Variants in CADPS2 observed in about 807,000 individuals in gnomAD.
CADPS2 encodes calcium-dependent secretion activator 2.
Under a neutral mutation model 172.5 loss-of-function variants are expected in CADPS2, and 93 were observed. That is an observed-to-expected ratio of 0.54 (90% confidence interval 0.46 to 0.64). The LOEUF is 0.64. CADPS2 is among the 30% of genes least tolerant of loss of function. The pLI is 0.00. For synonymous variants in CADPS2, 546 were observed against 555.2 expected (o/e 0.98, Z 0.23); for missense variants, 1,420 against 1,565.9 (o/e 0.91, Z 1.57).
At chr7:122,444,648 G>T (rs1017552520) in intron 15 of CADPS2, among the ~76,000 whole-genome samples, 1 of 151,988 alleles carries the variant, frequency 6.6e-6, no homozygotes, top group Non-Finnish European at 1.5e-5. Flanking sequence ...TTTAAATTGG[G>T]TTAATATTTT....
At chr7:122,777,365 T>C (rs2093916765) in intron 1 of CADPS2, among the ~76,000 whole-genome samples, 1 of 152,150 alleles carries the variant, frequency 6.6e-6, no homozygotes, top group Non-Finnish European at 1.5e-5. Flanking sequence ...CCAGCTCTCA[T>C]ATCCACATTC....
chr7:122,645,393 G>GTGTA (rs1563948451), intron 3 of CADPS2, among the ~76,000 whole-genome samples: 1,009 of 54,812 alleles, frequency 0.018, 63 homozygotes, highest in African/African-American at 0.051. Flanking sequence ...ACATGTGTGT[G>GTGTA]TATATATGTA....
At chr7:122,435,566 T>C (rs2050525907) in intron 17 of CADPS2, among the ~76,000 whole-genome samples, 3 of 152,088 alleles carry the variant, frequency 2.0e-5, no homozygotes, top group Admixed American at 2.0e-4. Flanking sequence ...TTGTATACTA[T>C]TGGTAGAAAT....
At chr7:122,615,736 A>G (rs1457632402) in intron 5 of CADPS2, among the ~76,000 whole-genome samples, 2 of 152,068 alleles carry the variant, frequency 1.3e-5, no homozygotes, top group East Asian at 1.9e-4. Flanking sequence ...ATACCATCAT[A>G]CTAACTCACT....
chr7:122,424,399 CTAGAG>C (rs2048893757), intron 17 of CADPS2: 11 of 874,320 alleles, frequency 1.3e-5, no homozygotes, highest in Non-Finnish European at 1.5e-5. Flanking sequence ...GAATTGGCCA[CTAGAG>C]TATAGACCAA....
rs190307430 is a variant in CADPS2, at chr7:122,777,716, T to C, written c.340-40648A>G. 2.0e-5 allele frequency among the ~76,000 whole-genome samples: 3 copies of C among 152,152 alleles called. No individual in the cohort carries two copies. The East Asian group carries it at 5.8e-4, about 30-fold the overall frequency. ...CCCCACTTCCCTCTGCACTTCTCCT[T>C]GCAGCCACCTTGAGAAGAAGAGCAT... is the stretch of plus-strand genomic sequence containing the variant. On this transcript the variant is annotated intron_variant, in intron 1 of 29. Transcript: ENST00000449022.
chr7:122,694,834 G>T (rs2136119263), intron 2 of CADPS2, among the ~76,000 whole-genome samples: 1 of 152,282 alleles, frequency 6.6e-6, no homozygotes, highest in South Asian at 2.1e-4. Flanking sequence ...CATGGTAAAT[G>T]ATGGAATGGG....
chr7:122,349,769 T>A (rs111242771), intron 27 of CADPS2, among the ~76,000 whole-genome samples: 12 of 152,308 alleles, frequency 7.9e-5, no homozygotes, highest in African/African-American at 2.6e-4. Context: ...AAAAAATTCC[T>A]TGTTAATTAT....
At position 122,541,782 on chromosome 7, in the gene CADPS2, CATATATTT is replaced by C. The variant is rs1414745444; in HGVS notation, c.1475+12760_1475+12767del. Among the ~76,000 whole-genome samples, 1,394 of 141,080 alleles carry C rather than the reference CATATATTT, an allele frequency of 9.9e-3. 24 individuals are homozygous for C. The highest frequency in any genetic ancestry group is 0.034 in the African/African-American group (1,311 of 38,676). 92.6% of individuals were successfully genotyped at this position (141,080 alleles called of 152,430 possible). A position where few individuals can be genotyped will look rare whatever the true frequency, so the allele number is the denominator to read the frequency against. ...ATATATTTATATATTCACATATATT[CATATATTT>C]ATATATTCATATATATTTATATATT... On this transcript the variant is annotated intron_variant, in intron 8 of 29. Transcript: ENST00000449022.
intron 7 of CADPS2, among the ~76,000 whole-genome samples, chr7:122,578,353 T>A (rs933709537): frequency 3.9e-5 from 6 of 151,992 alleles, no homozygotes; most frequent in African/African-American, 1.4e-4. Flanking sequence ...AAAGCAGGTA[T>A]GAGTGTACAA....
chr7:122,730,180 T>C (rs997048761), intron 2 of CADPS2, among the ~76,000 whole-genome samples: 3 of 151,868 alleles, frequency 2.0e-5, no homozygotes, highest in South Asian at 2.1e-4. Flanking sequence ...AAATGGGACA[T>C]AGGACATGAA....
chr7:122,780,892 G>GCAC (rs71531916), intron 1 of CADPS2, among the ~76,000 whole-genome samples: 32,647 of 151,946 alleles, frequency 0.21, 3,732 homozygotes, highest in Middle Eastern at 0.31. Context: ...TACAAACAAT[G>GCAC]CAAAAATCAC....
At chr7:122,478,595 A>T (rs537679838) in intron 12 of CADPS2, among the ~76,000 whole-genome samples, 5 of 152,326 alleles carry the variant, frequency 3.3e-5, no homozygotes, top group African/African-American at 9.6e-5. Flanking sequence ...CTAAAAATTA[A>T]ATTTTTTCAT....
chr7:122,793,373 AT>A (rs1365515654), intron 1 of CADPS2, among the ~76,000 whole-genome samples: 1 of 152,156 alleles, frequency 6.6e-6, no homozygotes, highest in Non-Finnish European at 1.5e-5. Context: ...CCCTGTAACA[AT>A]TATGTAATGC....
intron 6 of CADPS2, among the ~76,000 whole-genome samples, chr7:122,588,470 C>G (rs2070151100): frequency 6.6e-6 from 1 of 151,964 alleles, no homozygotes; most frequent in South Asian, 2.1e-4. Flanking sequence ...TTCCCCATTG[C>G]TTGTTGTCAG....
At chr7:122,622,983 C>G (rs1247496538) in intron 4 of CADPS2, among the ~76,000 whole-genome samples, 1 of 152,190 alleles carries the variant, frequency 6.6e-6, no homozygotes, top group African/African-American at 2.4e-5. Flanking sequence ...CTCAGGCCAC[C>G]TGCTTTTCTT....
At chr7:122,601,520 T>C (rs933946106) in intron 6 of CADPS2, among the ~76,000 whole-genome samples, 4 of 152,044 alleles carry the variant, frequency 2.6e-5, no homozygotes, top group African/African-American at 9.7e-5. Flanking sequence ...ACCACTGCGA[T>C]TTCTCTGGTG....
chr7:122,394,999 A>C (rs1394027546), intron 20 of CADPS2, among the ~76,000 whole-genome samples: 1 of 152,216 alleles, frequency 6.6e-6, no homozygotes, highest in African/African-American at 2.4e-5. Context: ...ATGGATTTGA[A>C]TAGCTATATA....
intron 28 of CADPS2, among the ~76,000 whole-genome samples, chr7:122,326,728 A>G (rs2033956077): frequency 6.6e-6 from 1 of 152,070 alleles, no homozygotes; most frequent in Admixed American, 6.5e-5. Flanking sequence ...TCAACTTCTA[A>G]AATAAATTTT....
Sources: allele counts gnomAD v4.1 joint callset (sites outside exome capture counted in the v4.1 genomes callset), GRCh38; gene constraint gnomAD v4.1.1; transcripts MANE v1.5; gene names NCBI Gene and HGNC (gene_info 2026-07-23, HGNC 2026-07-21).